Variants in OR5AN1 observed in about 807,000 individuals in gnomAD.
OR5AN1 encodes the protein olfactory receptor family 5 subfamily AN member 1.
For synonymous variants in OR5AN1, 167 were observed against 131.8 expected (o/e 1.27, Z -1.83); for missense variants, 476 against 368.9 (o/e 1.29, Z -2.38).
At position 59,365,151 on chromosome 11, in the gene OR5AN1, A is replaced by G. The variant is rs1348715773; in HGVS notation, c.693A>G (p.Ser231=). ...GCATCTCCATCATGAAGATCACTTC[A>G]GCTAAAGGCAGGTCCAAGGCATTCA... ...YIGISIMKIT[S]AKGRSKAFNT... is the part of the protein sequence containing the mutation. The change falls in exon 2 of 2, where the codon TCA becomes TCG. Residue 231 remains serine (S), a synonymous_variant. Transcript: ENST00000641998. The G allele has an allele frequency of 6.2e-7, 1 of 1,613,990 alleles. No individual in the cohort carries two copies. The highest frequency in any genetic ancestry group is 2.2e-5 in the East Asian group (1 of 44,878).
rs1200399130 is a variant in OR5AN1 at position 59,371,098 on chromosome 11, G to C, written c.*5704G>C. 6.6e-6 allele frequency: 1 copy of C among 150,638 alleles called. No homozygotes were observed. The highest frequency in any genetic ancestry group is 1.5e-5 in the Non-Finnish European group (1 of 67,798). The allele number at this position is 150,638 out of a possible 1,614,324, so 9.3% of individuals were successfully genotyped here. On this transcript the variant is annotated 3_prime_UTR_variant, in exon 2 of 2. Coordinates refer to ENST00000641998, the MANE Select transcript of OR5AN1 (RefSeq NM_001004729.2). ...TTTCTTTTAAACAAAGGTAAGACTAGACTTTCTCTGAATATGCTATTTGGC... is the reference window on the plus strand; with the variant it reads ...TTTCTTTTAAACAAAGGTAAGACTACACTTTCTCTGAATATGCTATTTGGC...
Position 59,364,845 on chromosome 11 carries a change from C to T in OR5AN1, c.387C>T (p.Asn129=). 6.2e-7 allele frequency: 1 copy of T among 1,613,850 alleles called. No individual in the cohort carries two copies. The highest frequency in any genetic ancestry group is 8.5e-7 in the Non-Finnish European group (1 of 1,179,830). ...MAYDRYAAIC[N]PLLYSSIMSP... is the part of the protein sequence containing the mutation. ...ATGATCGTTATGCTGCCATTTGTAA[C>T]CCCCTGCTCTATTCATCCATCATGT... is the stretch of plus-strand genomic sequence containing the variant. The change falls in exon 2 of 2, where the codon AAC becomes AAT. Residue 129 remains asparagine, a synonymous_variant. Coordinates refer to ENST00000641998, the MANE Select transcript of OR5AN1 (RefSeq NM_001004729.2).
In OR5AN1 at chr11:59,358,940, C is replaced by A. The variant is rs2134480356; in HGVS notation, c.-346C>A. ...ACAGCCAATTTTGTGGTCAAACATG[C>A]CCATCTTGGAGTGTGATACGCCCAC... On this transcript the variant is annotated 5_prime_UTR_variant, in exon 1 of 2. Coordinates refer to ENST00000641998, the MANE Select transcript of OR5AN1 (RefSeq NM_001004729.2). 1 of 152,264 alleles carries A rather than the reference C, an allele frequency of 6.6e-6. No homozygotes were observed. Among genetic ancestry groups the A allele is most frequent in the South Asian group, 2.1e-4 (1 of 4,826 alleles). 9.4% of individuals were successfully genotyped at this position (152,264 alleles called of 1,614,324 possible). A position where few individuals can be genotyped will look rare whatever the true frequency, so the allele number is the denominator to read the frequency against.
At chr11:59,362,924 G>T (rs1857479687) in intron 1 of OR5AN1, among the ~76,000 whole-genome samples, 1 of 152,114 alleles carries the variant, frequency 6.6e-6, no homozygotes, top group Non-Finnish European at 1.5e-5. Flanking sequence ...CACTGACCTA[G>T]TGTACCCAAA....
At chr11:59,359,821 T>C (rs1318727208) in intron 1 of OR5AN1, 1 of 152,204 alleles carries the variant, frequency 6.6e-6, no homozygotes, top group Non-Finnish European at 1.5e-5. Context: ...CTTGTACATA[T>C]ATTGTTCTTT....
Position 59,364,832 on chromosome 11 carries a change from C to T in OR5AN1, c.374C>T (p.Ala125Val), listed in dbSNP as rs749691024. ...LMTAMAYDRY[A>V]AICNPLLYSS... The stretch of plus-strand genomic sequence containing the variant: ...ACAGCCATGGCTTATGATCGTTATG[C>T]TGCCATTTGTAACCCCCTGCTCTAT... Residue 125 changes from alanine (A) to valine (V), a missense_variant, in exon 2 of 2, where the codon GCT becomes GTT. By Grantham distance (64) the Ala-to-Val change is moderately conservative. Coordinates refer to ENST00000641998, the MANE Select transcript of OR5AN1 (RefSeq NM_001004729.2). The T allele has an allele frequency of 1.2e-6, 2 of 1,613,774 alleles. No individual in the cohort carries two copies. Among genetic ancestry groups the T allele is most frequent in the East Asian group, 4.5e-5 (2 of 44,882 alleles).
At chr11:59,364,242 C>G (rs116894890) in intron 1 of OR5AN1, among the ~76,000 whole-genome samples, 1,530 of 152,228 alleles carry the variant, frequency 0.01, 13 homozygotes, top group Admixed American at 0.017. Flanking sequence ...TCTCATGATA[C>G]TCCATGAATT....
Position 59,365,272 on chromosome 11 carries a change from G to A in OR5AN1, c.814G>A (p.Asp272Asn). 1 of 1,613,282 alleles carries A rather than the reference G, an allele frequency of 6.2e-7. No homozygotes were observed. Among genetic ancestry groups the A allele is most frequent in the Non-Finnish European group, 8.5e-7 (1 of 1,179,392 alleles). ...CAGCTCTGGAGGTTCTTCAAGCTTT[G>A]ACAGATTTGCATCTGTTTTCTACAC... The part of the protein sequence containing the change: ...SSSSGGSSSF[D>N]RFASVFYTVV... The change falls in exon 2 of 2, where the codon GAC (aspartate) becomes AAC (asparagine). Residue 272 changes from aspartate (D) to asparagine (N), a missense_variant. By Grantham distance (23) the Asp-to-Asn change is conservative. Coordinates refer to ENST00000641998, the MANE Select transcript of OR5AN1 (RefSeq NM_001004729.2).
In OR5AN1 at chr11:59,365,046, A is replaced by G. The variant is rs780436714; in HGVS notation, c.588A>G (p.Val196=). 14 of 1,613,976 alleles carry G rather than the reference A, an allele frequency of 8.7e-6. No homozygotes were observed. In the African/African-American group the frequency reaches 1.6e-4, roughly 18 times the overall value. Residue 196 remains valine (V), a synonymous_variant, in exon 2 of 2, where the codon GTA becomes GTG. Coordinates refer to ENST00000641998, the MANE Select transcript of OR5AN1 (RefSeq NM_001004729.2). The part of the protein sequence containing the change: ...LILSCTDTFF[V]QVMTAILTMF... The stretch of plus-strand genomic sequence containing the variant: ...TGTCCTGTACTGACACTTTCTTTGT[A>G]CAGGTCATGACTGCTATATTAACCA...
intron 1 of OR5AN1, among the ~76,000 whole-genome samples, chr11:59,362,292 C>T (rs11229935): frequency 0.18 from 27,966 of 152,028 alleles, 3,238 homozygotes; most frequent in Non-Finnish European, 0.27. Context: ...TTTTAAATTG[C>T]TTTGCCATAT....
intron 1 of OR5AN1, among the ~76,000 whole-genome samples, chr11:59,364,117 T>C (rs77871269): frequency 0.035 from 5,266 of 152,286 alleles, 135 homozygotes; most frequent in East Asian, 0.096. Flanking sequence ...AGAGGTCTTT[T>C]TGAAGAAAAA....
intron 1 of OR5AN1, among the ~76,000 whole-genome samples, chr11:59,361,901 T>C (rs942104228): frequency 6.6e-6 from 1 of 151,982 alleles, no homozygotes; most frequent in Non-Finnish European, 1.5e-5. Flanking sequence ...TACAGATAAG[T>C]ATAAAGAAGA....
chr11:59,363,808 G>C, intron 1 of OR5AN1, among the ~76,000 whole-genome samples: 1 of 152,120 alleles, frequency 6.6e-6, no homozygotes, highest in East Asian at 1.9e-4. Context: ...TGTTGCCTAG[G>C]CTGGAGAGCA....
At position 59,369,429 on chromosome 11, in the gene OR5AN1, T is replaced by A. The variant is rs913872004; in HGVS notation, c.*4035T>A. The stretch of plus-strand genomic sequence containing the variant: ...ATAGCCAGTATAAAAAAGCACTTAG[T>A]GGGTCTGACAGAGCTGAATAGCGCA... On this transcript the variant is annotated 3_prime_UTR_variant, in exon 2 of 2. Transcript: ENST00000641998. The A allele has an allele frequency of 6.6e-6, 1 of 152,162 alleles. No individual in the cohort carries two copies. The highest frequency in any genetic ancestry group is 1.5e-5 in the Non-Finnish European group (1 of 68,016). 9.4% of individuals were successfully genotyped at this position (152,162 alleles called of 1,614,324 possible). A position where few individuals can be genotyped will look rare whatever the true frequency, so the allele number is the denominator to read the frequency against.
intron 1 of OR5AN1, among the ~76,000 whole-genome samples, chr11:59,364,049 C>T (rs1246473301): frequency 1.3e-5 from 2 of 152,164 alleles, no homozygotes; most frequent in African/African-American, 4.8e-5. Context: ...AGGCATGAGC[C>T]ACTACGCCCA....
In OR5AN1 at chr11:59,368,533, G is replaced by T; in HGVS notation, c.*3139G>T. On this transcript the variant is annotated 3_prime_UTR_variant, in exon 2 of 2. Coordinates refer to ENST00000641998, the MANE Select transcript of OR5AN1 (RefSeq NM_001004729.2). ...CTCTAATAATCTGTAGTCAACCCAA[G>T]GAGAAGAGGCTGGTCTGTCTCCCAC... is the stretch of plus-strand genomic sequence containing the variant. 1 of 152,468 alleles carries T rather than the reference G, an allele frequency of 6.6e-6. No individual in the cohort carries two copies. Among genetic ancestry groups the T allele is most frequent in the Non-Finnish European group, 1.5e-5 (1 of 68,160 alleles). 9.4% of individuals were successfully genotyped at this position (152,468 alleles called of 1,614,324 possible). A position where few individuals can be genotyped will look rare whatever the true frequency, so the allele number is the denominator to read the frequency against.
Position 59,368,578 on chromosome 11 carries a change from C to T in OR5AN1, c.*3184C>T, listed in dbSNP as rs141742973. On this transcript the variant is annotated 3_prime_UTR_variant, in exon 2 of 2. Transcript: ENST00000641998. ...TCCCACGGGTCCCACACACCCCCCA[C>T]CACTCATCACCAGACAAAGAACCCC... The T allele has an allele frequency of 9.9e-3, 1,517 of 152,688 alleles. 11 individuals carry two copies. Among genetic ancestry groups the T allele is most frequent in the Admixed American group, 0.012 (186 of 15,294 alleles). 9.5% of individuals were successfully genotyped at this position (152,688 alleles called of 1,614,324 possible). A position where few individuals can be genotyped will look rare whatever the true frequency, so the allele number is the denominator to read the frequency against.
chr11:59,362,434 T>C (rs1053409944), intron 1 of OR5AN1, among the ~76,000 whole-genome samples: 2 of 152,198 alleles, frequency 1.3e-5, no homozygotes, highest in Non-Finnish European at 2.9e-5. Flanking sequence ...TCACAGACCA[T>C]TTATAGAAGA....
rs954504145 is a variant in OR5AN1 at position 59,368,940 on chromosome 11, C to T, written c.*3546C>T. ...GCCACACAACAGAACAAGAGTCTTC[C>T]AGCTGTCCTGTAAGCCTAGGTATCA... On this transcript the variant is annotated 3_prime_UTR_variant, in exon 2 of 2. Transcript: ENST00000641998. The T allele has an allele frequency of 6.6e-6, 1 of 152,178 alleles. No individual in the cohort carries two copies. The highest frequency in any genetic ancestry group is 2.4e-5 in the African/African-American group (1 of 41,448). The allele number at this position is 152,178 out of a possible 1,614,324, so 9.4% of individuals were successfully genotyped here.
Sources: gnomAD v4.1 joint callset for allele counts (sites outside exome capture counted in the v4.1 genomes callset) on GRCh38, gnomAD v4.1.1 for gene constraint, MANE v1.5 for transcripts, NCBI Gene and HGNC (gene_info 2026-07-23, HGNC 2026-07-21) for gene names.